VLDLR: variants seen among roughly 807,000 people sequenced by gnomAD.
VLDLR encodes very low density lipoprotein receptor.
In VLDLR, 81 loss-of-function variants were observed where a neutral mutation model predicts 112.7. The ratio of observed to expected loss-of-function variants is 0.72; its 90% CI spans 0.60 to 0.86. The LOEUF is 0.86. Among genes scored for constraint, VLDLR ranks in the 40% least tolerant of loss-of-function variants. The probability of loss-of-function intolerance (pLI) is 0.00; values close to 1 mark genes in which losing one functional copy is unlikely to be tolerated. For missense variants in VLDLR, 1,237 were observed against 1,099.4 expected (o/e 1.13, Z -1.77); for synonymous variants, 436 against 384.8 (o/e 1.13, Z -1.56).
intron 1 of VLDLR, among the ~76,000 whole-genome samples, chr9:2,634,789 T>C (rs770114366): frequency 2.6e-5 from 4 of 151,396 alleles, no homozygotes; most frequent in Admixed American, 2.6e-4. Flanking sequence ...TAGACCTCAG[T>C]TTCTAAGAGG....
chr9:2,649,127 C>T (rs1036812856), intron 14 of VLDLR, among the ~76,000 whole-genome samples: 2 of 152,172 alleles, frequency 1.3e-5, no homozygotes, highest in Non-Finnish European at 2.9e-5. Flanking sequence ...AGCTTTTGTG[C>T]TACAAGCTTT....
At position 2,658,800 on chromosome 9, in the gene VLDLR, T is replaced by C. The variant is rs961780330; in HGVS notation, c.*4932T>C. 24 of 152,176 alleles carry C rather than the reference T, an allele frequency of 1.6e-4. No homozygotes were observed. The highest frequency in any genetic ancestry group is 1.4e-3 in the Admixed American group (21 of 15,274). The allele number at this position is 152,176 out of a possible 1,614,324, so 9.4% of individuals were successfully genotyped here. A position where few individuals can be genotyped will look rare whatever the true frequency, so the allele number is the denominator to read the frequency against. On this transcript the variant is annotated 3_prime_UTR_variant, in exon 19 of 19. Transcript: ENST00000382100. ...ACACACAGGCACCGGTAAGTGACTT[T>C]ACCGGTGAAAGTCACAGGTACCTTT...
Position 2,633,047 on chromosome 9 carries a change from AGAGAGTGTGTGTGT to A in VLDLR, c.83-2404_83-2391del, listed in dbSNP as rs1436001949. On this transcript the variant is annotated intron_variant, in intron 1 of 18. Transcript: ENST00000382100. ...CTCCTTATTGGAGAGAGAGAGAGAG[AGAGAGTGTGTGTGT>A]GTGTGTGTGTGTGTGTGTGTGTGTG... 9.4e-4 allele frequency among the ~76,000 whole-genome samples: 90 copies of A among 95,468 alleles called. 1 individual carries two copies. Among genetic ancestry groups the A allele is most frequent in the African/African-American group, 3.2e-3 (85 of 26,184 alleles). The allele number at this position is 95,468 out of a possible 152,430, so 62.6% of individuals were successfully genotyped here. A position where few individuals can be genotyped will look rare whatever the true frequency, so the allele number is the denominator to read the frequency against.
Position 2,648,195 on chromosome 9 carries a change from T to C in VLDLR, c.1823-13T>C. ...GTGGCTTGTCATGTAATGACAATTC[T>C]TTTCCTACCTAGACCTTATAAAAAG... On this transcript the variant is annotated splice_polypyrimidine_tract_variant and intron_variant, in intron 12 of 18. Coordinates refer to ENST00000382100, the MANE Select transcript of VLDLR (RefSeq NM_003383.5). 1 of 1,614,084 alleles carries C rather than the reference T, an allele frequency of 6.2e-7. No individual in the cohort carries two copies. Among genetic ancestry groups the C allele is most frequent in the Admixed American group, 1.7e-5 (1 of 60,026 alleles).
At chr9:2,625,795 A>G (rs1205520878) in intron 1 of VLDLR, among the ~76,000 whole-genome samples, 1 of 152,222 alleles carries the variant, frequency 6.6e-6, no homozygotes, top group Non-Finnish European at 1.5e-5. Context: ...TATGGGCGAG[A>G]TATACTTGTT....
chr9:2,631,440 GA>G (rs1817346384), intron 1 of VLDLR, among the ~76,000 whole-genome samples: 1 of 152,132 alleles, frequency 6.6e-6, no homozygotes, highest in Non-Finnish European at 1.5e-5. Flanking sequence ...AAAGGGTAAA[GA>G]AAATATGGTA....
chr9:2,629,892 G>A (rs1817261539), intron 1 of VLDLR, among the ~76,000 whole-genome samples: 3 of 152,310 alleles, frequency 2.0e-5, no homozygotes, highest in Admixed American at 1.3e-4. Flanking sequence ...TACCTCCCAG[G>A]TTCAAACAAT....
Position 2,658,842 on chromosome 9 carries a change from A to G in VLDLR, c.*4974A>G, listed in dbSNP as rs539383563. 2 of 152,290 alleles carry G rather than the reference A, an allele frequency of 1.3e-5. No homozygotes were observed. Among genetic ancestry groups the G allele is most frequent in the African/African-American group, 2.4e-5 (1 of 41,554 alleles). 9.4% of individuals were successfully genotyped at this position (152,290 alleles called of 1,614,324 possible). ...GGTACCTTTATCTATGATGAATGTA[A>G]TGTGTTAGATGGTGACCGAAGTGTT... On this transcript the variant is annotated 3_prime_UTR_variant, in exon 19 of 19. Coordinates refer to ENST00000382100, the MANE Select transcript of VLDLR (RefSeq NM_003383.5).
At position 2,659,795 on chromosome 9, in the gene VLDLR, G is replaced by A. The variant is rs1415139156; in HGVS notation, c.*5927G>A. ...TGGGTATTTCTCAGTTAACACACAT[G>A]CAAGGAGGAAGAGAGTTTTTTTGAA... is the stretch of plus-strand genomic sequence containing the variant. On this transcript the variant is annotated 3_prime_UTR_variant, in exon 19 of 19. Coordinates refer to ENST00000382100, the MANE Select transcript of VLDLR (RefSeq NM_003383.5). 6.6e-6 allele frequency: 1 copy of A among 152,182 alleles called. No individual in the cohort carries two copies. Among genetic ancestry groups the A allele is most frequent in the African/African-American group, 2.4e-5 (1 of 41,452 alleles). 9.4% of individuals were successfully genotyped at this position (152,182 alleles called of 1,614,324 possible).
At chr9:2,631,595 A>G (rs556242067) in intron 1 of VLDLR, among the ~76,000 whole-genome samples, 1 of 152,166 alleles carries the variant, frequency 6.6e-6, no homozygotes, top group Admixed American at 6.5e-5. Flanking sequence ...TCTCAATCGT[A>G]TGTGGAAGCT....
rs1818328813 is a variant in VLDLR at position 2,651,451 on chromosome 9, A to G, written c.2288A>G (p.Asp763Gly). 3 of 1,614,076 alleles carry G rather than the reference A, an allele frequency of 1.9e-6. No individual in the cohort carries two copies. Among genetic ancestry groups the G allele is most frequent in the Middle Eastern group, 1.6e-4 (1 of 6,062 alleles). Residue 763 changes from aspartate to glycine, a missense_variant, in exon 16 of 19, where the codon GAT becomes GGT. Coordinates refer to ENST00000382100, the MANE Select transcript of VLDLR (RefSeq NM_003383.5). ...ATTVTYSETK[D>G]TNTTEISATS... ...ACTGTGACTTACAGTGAGACAAAAG[A>G]TACGAACACAACAGAAATTTCAGCA...
chr9:2,632,777 T>C (rs1817414390), intron 1 of VLDLR, among the ~76,000 whole-genome samples: 2 of 152,110 alleles, frequency 1.3e-5, no homozygotes, highest in Admixed American at 1.3e-4. Flanking sequence ...TCTCCCTCTC[T>C]GTGGGAAGCA....
chr9:2,645,023 A>G lies in VLDLR; in HGVS notation c.1253A>G (p.Lys418Arg). 4.3e-6 allele frequency: 7 copies of G among 1,614,242 alleles called. No individual in the cohort carries two copies. The highest frequency in any genetic ancestry group is 5.9e-6 in the Non-Finnish European group (7 of 1,180,036). ...QICINLKGGYKCECSRGYQMD... is the reference protein window; with the variant it reads ...QICINLKGGYRCECSRGYQMD... ...TGTATCAACTTAAAAGGCGGTTACA[A>G]GTGTGAATGTAGTCGTGGCTATCAA... Residue 418 changes from lysine (K) to arginine (R), a missense_variant, in exon 9 of 19, where the codon AAG becomes AGG. Transcript: ENST00000382100.
In VLDLR at chr9:2,657,479, A is replaced by G. The variant is rs1487918033; in HGVS notation, c.*3611A>G. ...AAAGGGTCTGATACATCAAACTCCT[A>G]ACAAGTAGGAGCAGCAACTAGCTAA... On this transcript the variant is annotated 3_prime_UTR_variant, in exon 19 of 19. Transcript: ENST00000382100. The G allele has an allele frequency of 6.6e-6, 1 of 152,232 alleles. No homozygotes were observed. The highest frequency in any genetic ancestry group is 2.4e-5 in the African/African-American group (1 of 41,460). 9.4% of individuals were successfully genotyped at this position (152,232 alleles called of 1,614,324 possible). A position where few individuals can be genotyped will look rare whatever the true frequency, so the allele number is the denominator to read the frequency against.
rs1816836170 is a variant in VLDLR, at chr9:2,622,263, C to T, written c.74C>T (p.Thr25Ile). 6.7e-7 allele frequency: 1 copy of T among 1,490,732 alleles called. No individual in the cohort carries two copies. Among genetic ancestry groups the T allele is most frequent in the Non-Finnish European group, 8.9e-7 (1 of 1,126,772 alleles). The allele number at this position is 1,490,732 out of a possible 1,614,324, so 92.3% of individuals were successfully genotyped here. ...TGGGCGCCCCGGGAGAGCGGCGCCA[C>T]CGGAACCGGTGAGTGAGGACGCGCC... ...LCWAPRESGA[T>I]GTGRKAKCEP... Residue 25 changes from threonine (T) to isoleucine (I), a missense_variant, in exon 1 of 19, where the codon ACC (threonine) becomes ATC (isoleucine). Thr to Ile is a moderately conservative substitution (Grantham distance 89). Coordinates refer to ENST00000382100, the MANE Select transcript of VLDLR (RefSeq NM_003383.5).
Position 2,643,444 on chromosome 9 carries a change from C to T in VLDLR, c.733C>T (p.Gln245Ter), listed in dbSNP as rs774198565. ...IHTKCPASEI[Q>*]CGSGECIHKK... The stretch of plus-strand genomic sequence containing the variant: ...CACCAAGTGTCCAGCCAGCGAAATC[C>T]AGTGCGGCTCTGGCGAGTGCATCCA... Residue 245 changes from glutamine to a stop codon, truncating the protein, a stop_gained, in exon 5 of 19, where the codon CAG becomes TAG. Transcript: ENST00000382100. LOFTEE classifies it high-confidence loss of function. 1 of 1,614,198 alleles carries T rather than the reference C, an allele frequency of 6.2e-7. No homozygotes were observed. Among genetic ancestry groups the T allele is most frequent in the Non-Finnish European group, 8.5e-7 (1 of 1,180,032 alleles).
chr9:2,646,992 C>T (rs1818107428), intron 11 of VLDLR, among the ~76,000 whole-genome samples: 1 of 152,160 alleles, frequency 6.6e-6, no homozygotes, highest in South Asian at 2.1e-4. Flanking sequence ...TCTGAAAGTC[C>T]AGCAGAAATA....
Position 2,652,924 on chromosome 9 carries a change from C to T in VLDLR, c.2561C>T (p.Ala854Val). ...DLSIDIGRHS[A>V]SVGHTYPAIS... Reference sequence around the variant, plus strand: ...TCCATAGACATTGGTAGACACAGTGCTTCTGTTGGACACACGTACCCAGCA... The same window carrying T: ...TCCATAGACATTGGTAGACACAGTGTTTCTGTTGGACACACGTACCCAGCA... The change falls in exon 18 of 19, where the codon GCT becomes GTT. Residue 854 changes from alanine (A) to valine (V), a missense_variant. Physicochemically the swap from Ala to Val is moderately conservative, Grantham distance 64. Coordinates refer to ENST00000382100, the MANE Select transcript of VLDLR (RefSeq NM_003383.5). 1 of 1,614,082 alleles carries T rather than the reference C, an allele frequency of 6.2e-7. No homozygotes were observed.
In VLDLR at chr9:2,647,696, G is replaced by C. The variant is rs188432105; in HGVS notation, c.1822+104G>C. The C allele has an allele frequency of 8.7e-6, 9 of 1,036,446 alleles. No homozygotes were observed. The African/African-American group carries it at 1.3e-4, about 14-fold the overall frequency. The allele number at this position is 1,036,446 out of a possible 1,614,324, so 64.2% of individuals were successfully genotyped here. A position where few individuals can be genotyped will look rare whatever the true frequency, so the allele number is the denominator to read the frequency against. On this transcript the variant is annotated intron_variant, in intron 12 of 18. Transcript: ENST00000382100. ...ACTAGCAGATGACTCTACTGCTTCC[G>C]CCTAAATTCTAGCAGGAATTTTCAA...
Sources: allele counts gnomAD v4.1 joint callset (sites outside exome capture counted in the v4.1 genomes callset), GRCh38; gene constraint gnomAD v4.1.1; transcripts MANE v1.5; gene names NCBI Gene and HGNC (gene_info 2026-07-23, HGNC 2026-07-21).